FAM135B: variants seen among roughly 807,000 people sequenced by gnomAD.
FAM135B encodes the protein family with sequence similarity 135 member B.
In FAM135B, 43 loss-of-function variants were observed where a neutral mutation model predicts 127.7. The observed-to-expected ratio is 0.34, with a 90% confidence interval of 0.26 to 0.43. The LOEUF is 0.43. FAM135B is among the 20% of genes least tolerant of loss of function. The pLI is 1.00. For synonymous variants in FAM135B, 670 were observed against 665.1 expected, an observed-to-expected ratio of 1.01 and a Z score of -0.11; for missense variants, 1,558 against 1,725.6, an observed-to-expected ratio of 0.90 and a Z score of 1.72.
At chr8:138,365,283 G>GA (rs1221233523) in intron 2 of FAM135B, among the ~76,000 whole-genome samples, 4 of 152,018 alleles carry the variant, frequency 2.6e-5, no homozygotes, top group African/African-American at 7.2e-5. Context: ...TACTGATCTA[G>GA]AAAAAAGGGA....
chr8:138,298,991 C>T (rs895689994), intron 3 of FAM135B, among the ~76,000 whole-genome samples: 3 of 151,050 alleles, frequency 2.0e-5, no homozygotes, highest in African/African-American at 4.9e-5. Context: ...ACCCGGGATG[C>T]GGAGGTTGCA....
At chr8:138,445,445 C>T (rs1269189133) in intron 1 of FAM135B, among the ~76,000 whole-genome samples, 3 of 152,154 alleles carry the variant, frequency 2.0e-5, no homozygotes, top group South Asian at 2.1e-4. Flanking sequence ...CATCAAAAAG[C>T]TTATCCACCA....
At chr8:138,449,361 G>A (rs1836367050) in intron 1 of FAM135B, among the ~76,000 whole-genome samples, 1 of 152,130 alleles carries the variant, frequency 6.6e-6, no homozygotes, top group East Asian at 1.9e-4. Context: ...AAGAAGGGAG[G>A]GAAAGGAGTG....
At chr8:138,448,111 GAAAA>G (rs36063170) in intron 1 of FAM135B, among the ~76,000 whole-genome samples, 1 of 141,548 alleles carries the variant, frequency 7.1e-6, no homozygotes, top group Non-Finnish European at 1.5e-5. Context: ...ACAGAGGTCA[GAAAA>G]AAAAAAAAAA....
At chr8:138,284,019 G>A (rs1824480775) in intron 3 of FAM135B, among the ~76,000 whole-genome samples, 1 of 152,056 alleles carries the variant, frequency 6.6e-6, no homozygotes, top group East Asian at 1.9e-4. Flanking sequence ...TAGGGTGTGG[G>A]TGGTATACGG....
At chr8:138,482,086 C>T (rs1814803335) in intron 1 of FAM135B, among the ~76,000 whole-genome samples, 1 of 152,162 alleles carries the variant, frequency 6.6e-6, no homozygotes, top group South Asian at 2.1e-4. Context: ...CATGCCCAAG[C>T]TTCAGCTGAA....
At chr8:138,138,846 G>T (rs1359695572) in intron 18 of FAM135B, 140 bp downstream of exon 18, 1 of 606,458 alleles carries the variant, frequency 1.6e-6, no homozygotes. Flanking sequence ...CTCCCAATGA[G>T]CCAAAGAGGC....
At chr8:138,218,766 C>CACACACAG (rs1469155017) in intron 7 of FAM135B, among the ~76,000 whole-genome samples, 1 of 80,494 alleles carries the variant, frequency 1.2e-5, no homozygotes, top group Non-Finnish European at 2.7e-5. Context: ...CACACACACA[C>CACACACAG]AGAGAGAGAG....
At chr8:138,246,914 T>G (rs2130441080) in intron 6 of FAM135B, among the ~76,000 whole-genome samples, 1 of 152,348 alleles carries the variant, frequency 6.6e-6, no homozygotes, top group South Asian at 2.1e-4. Context: ...GGCCTGGATG[T>G]GAGACATGGA....
intron 2 of FAM135B, among the ~76,000 whole-genome samples, chr8:138,334,188 G>A (rs1828384297): frequency 6.6e-6 from 1 of 152,094 alleles, no homozygotes; most frequent in Admixed American, 6.5e-5. Flanking sequence ...CTCCCAAAGT[G>A]CTGGGATTAC....
intron 7 of FAM135B, among the ~76,000 whole-genome samples, chr8:138,212,803 T>A (rs996669835): frequency 6.6e-6 from 1 of 152,230 alleles, no homozygotes; most frequent in Non-Finnish European, 1.5e-5. Context: ...GGATTCTTAA[T>A]ATTTAATCTA....
chr8:138,305,578 G>A (rs1826183956), intron 3 of FAM135B, among the ~76,000 whole-genome samples: 1 of 152,180 alleles, frequency 6.6e-6, no homozygotes, highest in Non-Finnish European at 1.5e-5. Flanking sequence ...GCAAGCCTTT[G>A]AAGAAAGCAT....
At chr8:138,424,759 T>G (rs1017793623) in intron 1 of FAM135B, among the ~76,000 whole-genome samples, 3 of 152,212 alleles carry the variant, frequency 2.0e-5, no homozygotes, top group African/African-American at 7.2e-5. Flanking sequence ...ATTGGATACT[T>G]AGTTGTTGTC....
intron 2 of FAM135B, among the ~76,000 whole-genome samples, chr8:138,322,580 C>T (rs1827522332): frequency 6.6e-6 from 1 of 152,158 alleles, no homozygotes; most frequent in Non-Finnish European, 1.5e-5. Flanking sequence ...TTTAAAAAAG[C>T]TAATGCCCCA....
chr8:138,462,540 T>C (rs1837185801), intron 1 of FAM135B, among the ~76,000 whole-genome samples: 1 of 152,132 alleles, frequency 6.6e-6, no homozygotes, highest in Non-Finnish European at 1.5e-5. Context: ...GGTCCTAGAA[T>C]GCTACCTGGA....
At chr8:138,189,936 A>G (rs1267360895) in intron 9 of FAM135B, among the ~76,000 whole-genome samples, 2 of 152,134 alleles carry the variant, frequency 1.3e-5, no homozygotes, top group Non-Finnish European at 2.9e-5. Context: ...CTGGCACAAC[A>G]TCTTTTCCCA....
intron 9 of FAM135B, among the ~76,000 whole-genome samples, chr8:138,182,644 T>C (rs1462800593): frequency 5.9e-5 from 9 of 152,216 alleles, no homozygotes; most frequent in Admixed American, 5.9e-4. Context: ...TAAACTACTG[T>C]GCAAGAGATA....
intron 1 of FAM135B, among the ~76,000 whole-genome samples, chr8:138,446,740 C>A (rs1304203742): frequency 3.3e-5 from 5 of 151,848 alleles, no homozygotes; most frequent in Admixed American, 6.6e-5. Context: ...AGGACACAGG[C>A]ATGGGCAAGG....
intron 2 of FAM135B, among the ~76,000 whole-genome samples, chr8:138,322,047 G>A (rs1827485284): frequency 6.6e-6 from 1 of 152,206 alleles, no homozygotes; most frequent in Non-Finnish European, 1.5e-5. Flanking sequence ...GAGACAGGCA[G>A]ACATAGACTC....
Sources: allele counts gnomAD v4.1 joint callset (sites outside exome capture counted in the v4.1 genomes callset), GRCh38; gene constraint gnomAD v4.1.1; transcripts MANE v1.5; gene names NCBI Gene and HGNC (gene_info 2026-07-23, HGNC 2026-07-21).